The following SLC4A10 variants were observed in gnomAD, a reference collection of about 807,000 sequenced individuals.
SLC4A10 encodes the protein solute carrier family 4 member 10.
SLC4A10 carries 42 observed loss-of-function variants against 137.7 expected under a neutral mutation model. The observed-to-expected ratio is 0.30, with a 90% CI of 0.24 to 0.39. The LOEUF (loss-of-function observed/expected upper bound fraction) is 0.39, where lower values mean the gene tolerates loss of function less well. SLC4A10 is among the 10% of genes least tolerant of loss of function. The pLI, the probability that SLC4A10 is intolerant of heterozygous loss-of-function variation, is 1.00. For missense variants in SLC4A10, 925 were observed against 1,355.0 expected (o/e 0.68, Z 4.98); for synonymous variants, 474 against 464.1 (o/e 1.02, Z -0.27).
At chr2:161,793,536 C>T (rs969663146) in intron 2 of SLC4A10, among the ~76,000 whole-genome samples, 4 of 151,582 alleles carry the variant, frequency 2.6e-5, no homozygotes, top group Non-Finnish European at 5.9e-5. Context: ...ACTACCTAGT[C>T]ATTCCTAGTG....
chr2:161,718,255 C>T (rs549915435), intron 1 of SLC4A10, among the ~76,000 whole-genome samples: 7 of 152,020 alleles, frequency 4.6e-5, no homozygotes, highest in East Asian at 3.9e-4. Flanking sequence ...CTCCTGGATT[C>T]GTTGATTTTT....
chr2:161,646,000 G>C (rs10497218), intron 1 of SLC4A10, among the ~76,000 whole-genome samples: 133,059 of 152,038 alleles, frequency 0.88, 58,771 homozygotes, highest in East Asian at 1. Flanking sequence ...GACTATGAAT[G>C]AAATCATATT....
At chr2:161,708,163 T>C (rs1330618844) in intron 1 of SLC4A10, among the ~76,000 whole-genome samples, 2 of 151,556 alleles carry the variant, frequency 1.3e-5, no homozygotes, top group Non-Finnish European at 3.0e-5. Context: ...CTATCAAAGA[T>C]TGCCAAAATA....
intron 23 of SLC4A10, among the ~76,000 whole-genome samples, chr2:161,972,518 T>C (rs1176835756): frequency 6.6e-6 from 1 of 152,138 alleles, no homozygotes; most frequent in Non-Finnish European, 1.5e-5. Flanking sequence ...TCTAATAGTG[T>C]GGCCAAGTGA....
At chr2:161,655,922 T>C (rs775297211) in intron 1 of SLC4A10, among the ~76,000 whole-genome samples, 63 of 151,358 alleles carry the variant, frequency 4.2e-4, no homozygotes, top group Admixed American at 1.4e-3. Context: ...CAAGCAATTC[T>C]CCTCCCCCAG....
rs745409738 is a variant in SLC4A10, at chr2:161,872,308, C to T, written c.782C>T (p.Ser261Phe). The T allele has an allele frequency of 2.5e-6, 4 of 1,613,202 alleles. No homozygotes were observed. Among genetic ancestry groups the T allele is most frequent in the Admixed American group, 1.7e-5 (1 of 59,976 alleles). ...TCTCTTTTAGCAGGTCAGGTTGTTT[C>T]TCCTCAGTCTGCTCCAGCCTGTGTT... Reference protein sequence around the residue: ...SMDKNAGQVVSPQSAPACVEN... With the variant: ...SMDKNAGQVVFPQSAPACVEN... Residue 261 changes from serine to phenylalanine, a missense_variant, in exon 7 of 27, where the codon TCT (serine) becomes TTT (phenylalanine). Physicochemically the swap from Ser to Phe is radical, Grantham distance 155. Around this residue, in one of 11 missense-constraint regions of SLC4A10, gnomAD observed 277 missense variants for 306.1 expected, o/e 0.90. Transcript: ENST00000446997.
chr2:161,671,093 C>T (rs1443040704), intron 1 of SLC4A10, among the ~76,000 whole-genome samples: 1 of 152,112 alleles, frequency 6.6e-6, no homozygotes, highest in Non-Finnish European at 1.5e-5. Context: ...TATGTTGAAA[C>T]TTAATTGCCA....
At chr2:161,665,828 C>A (rs947767146) in intron 1 of SLC4A10, among the ~76,000 whole-genome samples, 1 of 150,736 alleles carries the variant, frequency 6.6e-6, no homozygotes, top group African/African-American at 2.4e-5. Context: ...GTCCAGAGGC[C>A]ATCTTTTCAG....
Position 161,640,448 on chromosome 2 carries a change from C to G in SLC4A10, c.48+15882C>G, listed in dbSNP as rs183461388. 6.6e-5 allele frequency among the ~76,000 whole-genome samples: 10 copies of G among 152,238 alleles called. No individual in the cohort carries two copies. In the East Asian group the frequency reaches 1.9e-3, roughly 29 times the overall value. On this transcript the variant is annotated intron_variant, in intron 1 of 26. Transcript: ENST00000446997. ...AATTATTTCCAGAAAGATTGTATAC[C>G]AGTTTTCACTTCCACTAGAAGCCTC...
intron 24 of SLC4A10, among the ~76,000 whole-genome samples, 162 bp downstream of exon 24, chr2:161,974,478 G>C (rs192587084): frequency 1.3e-5 from 2 of 152,066 alleles, no homozygotes; most frequent in East Asian, 3.8e-4. Flanking sequence ...GCTAAGTTTT[G>C]CCAATAATAG....
intron 2 of SLC4A10, among the ~76,000 whole-genome samples, chr2:161,795,108 C>T (rs1190820812): frequency 6.6e-6 from 1 of 151,972 alleles, no homozygotes; most frequent in Non-Finnish European, 1.5e-5. Context: ...TCCCTGGGCC[C>T]TCTGTGTTTC....
intron 22 of SLC4A10, 113 bp from the exon 23 acceptor site, chr2:161,964,938 T>C (rs1020832284): frequency 1.1e-6 from 1 of 875,996 alleles, no homozygotes; most frequent in Non-Finnish European, 1.7e-6. Context: ...CTTTAATTTT[T>C]ACTTTAATCT....
Position 161,933,175 on chromosome 2 carries a change from C to G in SLC4A10, c.1998-9617C>G, listed in dbSNP as rs1378831708. On this transcript the variant is annotated intron_variant, in intron 15 of 26. Transcript: ENST00000446997. ...TCTTTCCTCTTTCTTTCTCTTTCCC[C>G]TTCCTTCTTTTCTTTCTTTCTTTCT... Among the ~76,000 whole-genome samples the G allele has an allele frequency of 4.2e-5, 5 of 118,760 alleles. No individual in the cohort carries two copies. The South Asian group carries it at 1.5e-3, about 35-fold the overall frequency. The allele number at this position is 118,760 out of a possible 152,430, so 77.9% of individuals were successfully genotyped here.
At chr2:161,886,855 A>G (rs1419009867) in intron 10 of SLC4A10, among the ~76,000 whole-genome samples, 3 of 152,008 alleles carry the variant, frequency 2.0e-5, no homozygotes, top group Non-Finnish European at 4.4e-5. Context: ...GGCTTGTTAC[A>G]TAGGTATACA....
intron 26 of SLC4A10, among the ~76,000 whole-genome samples, chr2:161,978,181 T>C (rs1019020584): frequency 5.9e-5 from 9 of 151,772 alleles, no homozygotes; most frequent in African/African-American, 2.2e-4. Context: ...GGTCAGGAGT[T>C]CGAGACAAGC....
intron 5 of SLC4A10, among the ~76,000 whole-genome samples, chr2:161,857,101 T>C (rs764027672): frequency 4.6e-5 from 7 of 152,204 alleles, no homozygotes; most frequent in Non-Finnish European, 1.0e-4. Context: ...GTAATTTGAC[T>C]AAAACACTTC....
intron 4 of SLC4A10, among the ~76,000 whole-genome samples, chr2:161,840,937 C>T (rs950468439): frequency 3.3e-5 from 5 of 152,132 alleles, no homozygotes; most frequent in South Asian, 2.1e-4. Context: ...GGTAGCTTCC[C>T]TGGAGGAGGC....
chr2:161,935,564 A>G (rs893292252), intron 15 of SLC4A10, among the ~76,000 whole-genome samples: 1 of 152,170 alleles, frequency 6.6e-6, no homozygotes, highest in Non-Finnish European at 1.5e-5. Context: ...TCAATGTTTT[A>G]TAGTTTTCAG....
At chr2:161,815,298 A>C (rs1013981686) in intron 3 of SLC4A10, among the ~76,000 whole-genome samples, 2 of 151,998 alleles carry the variant, frequency 1.3e-5, no homozygotes, top group African/African-American at 4.8e-5. Flanking sequence ...GGTTTCCCTC[A>C]TGCTGTTCTC....
Sources: allele counts gnomAD v4.1 joint callset (sites outside exome capture counted in the v4.1 genomes callset), GRCh38; gene constraint gnomAD v4.1.1; regional missense constraint gnomAD v4.1.1; transcripts MANE v1.5; gene names NCBI Gene and HGNC (gene_info 2026-07-23, HGNC 2026-07-21).